GAB3: variants seen among roughly 807,000 people sequenced by gnomAD.
GAB3 encodes the protein GRB2-associated-binding protein 3.
A neutral mutation model predicts 40.4 loss-of-function variants in GAB3; 12 were observed. The observed-to-expected ratio is 0.30, with a 90% CI of 0.19 to 0.48. The LOEUF (loss-of-function observed/expected upper bound fraction) is 0.48, where lower values mean the gene tolerates loss of function less well. GAB3 is among the 20% of genes least tolerant of loss of function. The pLI is 0.99. For missense variants in GAB3, 381 were observed against 461.9 expected (o/e 0.82, Z 1.61); for synonymous variants, 154 against 176.7 (o/e 0.87, Z 1.02).
chrX:154,723,378 G>C (rs1307511589), intron 1 of GAB3, among the ~76,000 whole-genome samples: 1 of 111,700 alleles, frequency 9.0e-6, no homozygotes, highest in African/African-American at 3.3e-5. Context: ...TATGCTCAAT[G>C]TCCAGCATCA....
chrX:154,730,572 C>T (rs918033081), intron 1 of GAB3, among the ~76,000 whole-genome samples: 5 of 112,079 alleles, frequency 4.5e-5, no homozygotes, highest in African/African-American at 9.7e-5. Context: ...AACGCACTCA[C>T]GAGGCTGGGG....
At chrX:154,683,114 T>C (rs989323877) in intron 8 of GAB3, among the ~76,000 whole-genome samples, 10 of 112,696 alleles carry the variant, frequency 8.9e-5, no homozygotes, top group African/African-American at 2.9e-4. Flanking sequence ...GACTGTTGCT[T>C]ATACTTACGA....
At chrX:154,744,343 G>A (rs939722634) in intron 1 of GAB3, among the ~76,000 whole-genome samples, 14 of 109,818 alleles carry the variant, frequency 1.3e-4, no homozygotes, top group Admixed American at 5.8e-4. Context: ...AAGATACACC[G>A]TGCAAGCACA....
chrX:154,705,362 T>C (rs924129910), intron 4 of GAB3, among the ~76,000 whole-genome samples: 4 of 111,325 alleles, frequency 3.6e-5, no homozygotes, highest in Non-Finnish European at 7.6e-5. Flanking sequence ...ATTAAAAAAT[T>C]AAAAAATACT....
intron 1 of GAB3, among the ~76,000 whole-genome samples, chrX:154,731,645 G>A (rs2071292629): frequency 9.0e-6 from 1 of 111,077 alleles, no homozygotes; most frequent in South Asian, 3.8e-4. Flanking sequence ...ATGGGTGTCC[G>A]CTAGGGACAT....
chrX:154,696,861 C>G lies in GAB3; in HGVS notation c.1427+271G>C, dbSNP rs192295569. 1.2e-3 allele frequency among the ~76,000 whole-genome samples: 137 copies of G among 112,758 alleles called. 1 individual carries two copies. The highest frequency in any genetic ancestry group is 0.01 in the South Asian group (29 of 2,777). On this transcript the variant is annotated intron_variant, in intron 7 of 9. Coordinates refer to ENST00000424127, the MANE Select transcript of GAB3 (RefSeq NM_001081573.3). Reference sequence around the variant, plus strand: ...GCAATAGAAAAGAATACTGCAAAGACAAAGGAATGCACAGATGTGAAGAGT... The same window carrying G: ...GCAATAGAAAAGAATACTGCAAAGAGAAAGGAATGCACAGATGTGAAGAGT...
intron 8 of GAB3, among the ~76,000 whole-genome samples, chrX:154,684,885 A>G (rs781803770): frequency 1.8e-5 from 2 of 111,565 alleles, no homozygotes; most frequent in African/African-American, 3.2e-5. Flanking sequence ...CCTCTCTCCT[A>G]TGGTTCTATA....
upstream of GAB3, among the ~76,000 whole-genome samples, chrX:154,751,284 CGGG>C (rs1247944998): frequency 1.9e-5 from 1 of 52,340 alleles, no homozygotes; most frequent in Non-Finnish European, 3.5e-5. Context: ...CGGCTGTGCC[CGGG>C]GGGGGGGTGT....
At chrX:154,746,711 C>G (rs1234457548) in intron 1 of GAB3, among the ~76,000 whole-genome samples, 1 of 112,517 alleles carries the variant, frequency 8.9e-6, no homozygotes, top group Non-Finnish European at 1.9e-5. Context: ...TATAGTATTG[C>G]AGGTTGCAAC....
chrX:154,735,350 C>T (rs2071350369), intron 1 of GAB3, among the ~76,000 whole-genome samples: 2 of 112,266 alleles, frequency 1.8e-5, no homozygotes, highest in Non-Finnish European at 3.8e-5. Flanking sequence ...GTGCCATTCC[C>T]TTCATCCCAT....
intron 3 of GAB3, 69 bp downstream of exon 3, chrX:154,713,137 AG>A (rs1370408827): frequency 2.3e-6 from 2 of 861,116 alleles, no homozygotes; most frequent in African/African-American, 4.0e-5. Flanking sequence ...GGACTGCAAG[AG>A]GAGGCAGTGT....
At chrX:154,751,411 C>G, upstream of GAB3, 3 of 412,636 alleles carry the variant, frequency 7.3e-6, no homozygotes, top group Non-Finnish European at 9.2e-6. Context: ...CTGTTGCCCT[C>G]ATGCCCCATC....
intron 1 of GAB3, among the ~76,000 whole-genome samples, chrX:154,739,061 C>T (rs951674868): frequency 9.8e-5 from 11 of 111,878 alleles, no homozygotes; most frequent in Admixed American, 9.5e-4. Flanking sequence ...TTTTTATCTG[C>T]CTAATTAAAT....
At chrX:154,708,831 T>G (rs1336131492) in intron 4 of GAB3, among the ~76,000 whole-genome samples, 11 of 112,121 alleles carry the variant, frequency 9.8e-5, no homozygotes, top group South Asian at 3.7e-4. Context: ...TATAACTACC[T>G]TATGATCCAG....
At chrX:154,715,049 AAAAGGAATGTGTTCTCAG>A (rs1407574707) in intron 2 of GAB3, among the ~76,000 whole-genome samples, 20 of 112,497 alleles carry the variant, frequency 1.8e-4, no homozygotes, top group African/African-American at 6.5e-4. Context: ...TCATGAAACG[AAAAGGAATGTGTTCTCAG>A]AAAGCACACT....
intron 4 of GAB3, among the ~76,000 whole-genome samples, chrX:154,706,417 A>G (rs1366932819): frequency 2.4e-5 from 1 of 41,468 alleles, no homozygotes; most frequent in Non-Finnish European, 9.5e-5. Flanking sequence ...CTCCATCTCA[A>G]AAAAAAAAAA....
chrX:154,724,318 T>C (rs1175240130), intron 1 of GAB3, among the ~76,000 whole-genome samples: 2 of 109,260 alleles, frequency 1.8e-5, no homozygotes, highest in East Asian at 5.6e-4. Context: ...CACTCCAGCC[T>C]GGGCAACAGA....
chrX:154,682,641 T>A (rs954484269), intron 8 of GAB3, among the ~76,000 whole-genome samples: 1 of 112,046 alleles, frequency 8.9e-6, no homozygotes, highest in African/African-American at 3.2e-5. Context: ...ATGGTTGTAA[T>A]AGCTCATCTC....
At chrX:154,727,832 A>C (rs1188605685) in intron 1 of GAB3, among the ~76,000 whole-genome samples, 2 of 111,907 alleles carry the variant, frequency 1.8e-5, no homozygotes, top group African/African-American at 6.5e-5. Flanking sequence ...TGAACAACGA[A>C]CAAGGCTTAG....
Sources: allele counts gnomAD v4.1 joint callset (sites outside exome capture counted in the v4.1 genomes callset), GRCh38; gene constraint gnomAD v4.1.1; transcripts MANE v1.5; gene names NCBI Gene and HGNC (gene_info 2026-07-23, HGNC 2026-07-21).